The following SUFU variants were observed in gnomAD, a reference collection of about 807,000 sequenced individuals.
SUFU encodes suppressor of fused homolog.
Under a neutral mutation model 58.9 loss-of-function variants are expected in SUFU, and 7 were observed. The observed-to-expected ratio is 0.12, with a 90% CI of 0.07 to 0.22. The LOEUF is 0.22. Ranked by LOEUF, SUFU falls within the 10% of genes least tolerant of loss-of-function variation. SUFU has a pLI of 1.00. For missense variants in SUFU, 451 were observed against 641.3 expected, an observed-to-expected ratio of 0.70 and a Z score of 3.20; for synonymous variants, 232 against 254.8, an observed-to-expected ratio of 0.91 and a Z score of 0.85.
intron 10 of SUFU, among the ~76,000 whole-genome samples, chr10:102,620,594 C>T (rs2063731451): frequency 6.6e-6 from 1 of 152,230 alleles, no homozygotes. Context: ...ACTCCGTCTG[C>T]CCTGCCATTT....
At chr10:102,525,258 C>A (rs201202730) in intron 2 of SUFU, among the ~76,000 whole-genome samples, 1 of 151,736 alleles carries the variant, frequency 6.6e-6, no homozygotes, top group Non-Finnish European at 1.5e-5. Context: ...TTACAGGGCA[C>A]GCTACCACGC....
At chr10:102,578,601 G>A (rs1158944770) in intron 3 of SUFU, among the ~76,000 whole-genome samples, 4 of 151,880 alleles carry the variant, frequency 2.6e-5, no homozygotes, top group Admixed American at 6.6e-5. Flanking sequence ...CCAGGTACTC[G>A]GTAGGCTGAG....
rs1248408379 is a variant in SUFU, at chr10:102,549,208, A to G, written c.318-762A>G. On this transcript the variant is annotated intron_variant, in intron 2 of 11. Transcript: ENST00000369902. ...TGTATTAATCCATTCTCACACTGAT[A>G]TAAAGACATACCTGAGATTGGGTAA... 2.6e-5 allele frequency among the ~76,000 whole-genome samples: 4 copies of G among 152,200 alleles called. No individual in the cohort carries two copies. The East Asian group carries it at 7.7e-4, about 29-fold the overall frequency.
chr10:102,516,543 G>A (rs2062472925), intron 2 of SUFU, among the ~76,000 whole-genome samples: 1 of 151,738 alleles, frequency 6.6e-6, no homozygotes, highest in Admixed American at 6.6e-5. Flanking sequence ...AGCTGGCCCA[G>A]TTAAACTCAA....
chr10:102,533,634 C>T lies in SUFU; in HGVS notation c.318-16336C>T, dbSNP rs375930755. ...CCTTGCTGTTTCCAGCTTCTAGAGG[C>T]CATGTCCATTCCTTAGCTCACGGCC... On this transcript the variant is annotated intron_variant, in intron 2 of 11. Coordinates refer to ENST00000369902, the MANE Select transcript of SUFU (RefSeq NM_016169.4). Among the ~76,000 whole-genome samples, 11 of 152,118 alleles carry T rather than the reference C, an allele frequency of 7.2e-5. No individual in the cohort carries two copies. In the East Asian group the frequency reaches 1.9e-3, roughly 27 times the overall value.
chr10:102,518,519 G>GTCTGTCTATCTATCTATCTATCTA (rs1554842626), intron 2 of SUFU, among the ~76,000 whole-genome samples: 62 of 147,228 alleles, frequency 4.2e-4, no homozygotes, highest in Admixed American at 1.8e-3. Flanking sequence ...CTGTCTGTCT[G>GTCTGTCTATCTATCTATCTATCTA]TCTATCTATC....
Position 102,504,160 on chromosome 10 carries a change from A to G in SUFU, c.8A>G (p.Glu3Gly), listed in dbSNP as rs757097388. Residue 3 changes from glutamate (E) to glycine (G), a missense_variant, in exon 1 of 12, where the codon GAG (glutamate) becomes GGG (glycine). Glu to Gly is a moderately conservative substitution (Grantham distance 98, BLOSUM62 -2). Coordinates refer to ENST00000369902, the MANE Select transcript of SUFU (RefSeq NM_016169.4). MAELRPSGAPGPT... is the reference protein window; with the variant it reads MAGLRPSGAPGPT... Reference sequence around the variant, plus strand: ...CCTGCCCTACGCACCCCGATGGCGGAGCTGCGGCCTAGCGGCGCCCCCGGC... The same window carrying G: ...CCTGCCCTACGCACCCCGATGGCGGGGCTGCGGCCTAGCGGCGCCCCCGGC... The G allele has an allele frequency of 6.5e-7, 1 of 1,543,492 alleles. No individual in the cohort carries two copies. Among genetic ancestry groups the G allele is most frequent in the Non-Finnish European group, 8.7e-7 (1 of 1,146,196 alleles).
At position 102,509,203 on chromosome 10, in the gene SUFU, A is replaced by T. The variant is rs1183694060; in HGVS notation, c.217A>T (p.Met73Leu). 1 of 1,614,186 alleles carries T rather than the reference A, an allele frequency of 6.2e-7. No homozygotes were observed. The highest frequency in any genetic ancestry group is 8.5e-7 in the Non-Finnish European group (1 of 1,180,032). Residue 73 changes from methionine to leucine, a missense_variant, in exon 2 of 12, where the codon ATG (methionine) becomes TTG (leucine). By Grantham distance (15) the Met-to-Leu change is conservative (BLOSUM62 2). Coordinates refer to ENST00000369902, the MANE Select transcript of SUFU (RefSeq NM_016169.4). ...GGPDPLDYVS[M>L]YRNVGSPSAN... ...CCCAGACCCCTTGGACTATGTTAGC[A>T]TGTACAGGAATGTGGGGAGCCCTTC...
intron 2 of SUFU, among the ~76,000 whole-genome samples, chr10:102,532,426 C>T (rs2135700126): frequency 6.6e-6 from 1 of 152,294 alleles, no homozygotes; most frequent in South Asian, 2.1e-4. Context: ...ATCTCCTTTG[C>T]ACCAGGAGTC....
chr10:102,532,142 A>T (rs555886114), intron 2 of SUFU, among the ~76,000 whole-genome samples: 3 of 151,910 alleles, frequency 2.0e-5, no homozygotes, highest in South Asian at 4.2e-4. Flanking sequence ...TATTATTATT[A>T]TTTTTGGTAG....
intron 3 of SUFU, among the ~76,000 whole-genome samples, chr10:102,586,354 T>C (rs1377293249): frequency 6.6e-6 from 1 of 152,208 alleles, no homozygotes; most frequent in Non-Finnish European, 1.5e-5. Context: ...AAATATTTTC[T>C]CTCATTCTCT....
chr10:102,624,777 T>A (rs2063771471), intron 10 of SUFU, among the ~76,000 whole-genome samples: 1 of 152,234 alleles, frequency 6.6e-6, no homozygotes, highest in Non-Finnish European at 1.5e-5. Flanking sequence ...AACTCAGTGT[T>A]GGTGGCATTA....
chr10:102,539,808 C>T (rs1241592719), intron 2 of SUFU, among the ~76,000 whole-genome samples: 28 of 152,090 alleles, frequency 1.8e-4, no homozygotes, highest in Non-Finnish European at 1.2e-4. Flanking sequence ...TATCTATACA[C>T]ATAATATAAA....
intron 3 of SUFU, among the ~76,000 whole-genome samples, chr10:102,579,332 G>C (rs59411767): frequency 6.6e-6 from 1 of 152,126 alleles, no homozygotes; most frequent in Non-Finnish European, 1.5e-5. Context: ...TAGCGAAACT[G>C]CATCAGTCCA....
At chr10:102,573,116 T>G in intron 3 of SUFU, 1 of 778,934 alleles carries the variant, frequency 1.3e-6, no homozygotes, top group South Asian at 1.3e-5. Context: ...GATCTTCTTT[T>G]TTTTGTGGCT....
At chr10:102,551,717 CTTTTTTTTT>C (rs771685480) in intron 3 of SUFU, among the ~76,000 whole-genome samples, 1 of 68,714 alleles carries the variant, frequency 1.5e-5, no homozygotes, top group Non-Finnish European at 2.6e-5. Context: ...TATGTGCCTT[CTTTTTTTTT>C]TTTTTTTTTT....
At chr10:102,624,016 C>T (rs765281382) in intron 10 of SUFU, among the ~76,000 whole-genome samples, 1 of 152,172 alleles carries the variant, frequency 6.6e-6, no homozygotes, top group African/African-American at 2.4e-5. Context: ...ATGATAGTCA[C>T]CTCCCTAGCA....
intron 8 of SUFU, among the ~76,000 whole-genome samples, chr10:102,607,856 A>C (rs1305902424): frequency 6.6e-6 from 1 of 152,028 alleles, no homozygotes; most frequent in Non-Finnish European, 1.5e-5. Flanking sequence ...GGTTGCAGTG[A>C]GCCGAGATCT....
intron 2 of SUFU, among the ~76,000 whole-genome samples, chr10:102,526,618 G>A (rs1338187087): frequency 1.3e-5 from 2 of 152,178 alleles, no homozygotes; most frequent in Non-Finnish European, 2.9e-5. Context: ...AGAAGTAGTG[G>A]TTGAGGTGGG....
Sources: gnomAD v4.1 joint callset for allele counts (sites outside exome capture counted in the v4.1 genomes callset) on GRCh38, gnomAD v4.1.1 for gene constraint, MANE v1.5 for transcripts, NCBI Gene and HGNC (gene_info 2026-07-23, HGNC 2026-07-21) for gene names.